Variants in CPQ observed in about 807,000 individuals in gnomAD.
CPQ encodes Ser-Met dipeptidase.
A neutral mutation model predicts 45.7 loss-of-function variants in CPQ; 37 were observed. The observed-to-expected ratio is 0.81, with a 90% CI of 0.62 to 1.07. The LOEUF is 1.07. Among genes scored for constraint, CPQ ranks in the 50% least tolerant of loss-of-function variants. The pLI, the probability that CPQ is intolerant of heterozygous loss-of-function variation, is 0.00. For missense variants in CPQ, 537 were observed against 572.9 expected (o/e 0.94, Z 0.64); for synonymous variants, 186 against 205.8 (o/e 0.90, Z 0.82).
intron 3 of CPQ, among the ~76,000 whole-genome samples, chr8:96,854,564 G>T (rs1811820498): frequency 1.8e-5 from 2 of 111,450 alleles, no homozygotes; most frequent in Admixed American, 1.9e-4. Flanking sequence ...AAAAAATGTG[G>T]TGGAACTAAA....
chr8:96,926,272 GC>G (rs1432181758), intron 4 of CPQ, among the ~76,000 whole-genome samples: 3 of 152,102 alleles, frequency 2.0e-5, no homozygotes, highest in Non-Finnish European at 4.4e-5. Flanking sequence ...GTGCAGCCTT[GC>G]CCATCTTTGG....
chr8:97,077,180 C>T lies in CPQ; in HGVS notation c.1255+10970C>T, dbSNP rs773086371. 4.6e-5 allele frequency among the ~76,000 whole-genome samples: 7 copies of T among 152,130 alleles called. No individual in the cohort carries two copies. In the South Asian group the frequency reaches 8.3e-4, roughly 18 times the overall value. On this transcript the variant is annotated intron_variant, in intron 7 of 7. Transcript: ENST00000220763. ...AATTCAACTTTTTCTTGTAAAGTCA[C>T]GACTTTTCCCTGCTTCTTGGGAGCA...
At chr8:97,133,459 T>G (rs1811995364) in intron 7 of CPQ, 1 of 152,112 alleles carries the variant, frequency 6.6e-6, no homozygotes, top group South Asian at 2.1e-4. Context: ...TCTTTTAGAG[T>G]TTGTTAGGTG....
At chr8:96,929,074 A>C (rs1812934627) in intron 4 of CPQ, among the ~76,000 whole-genome samples, 2 of 152,210 alleles carry the variant, frequency 1.3e-5, no homozygotes, top group South Asian at 4.1e-4. Flanking sequence ...AACTGTTAAC[A>C]AGCATTTATA....
intron 1 of CPQ, among the ~76,000 whole-genome samples, chr8:96,765,879 AC>A (rs1810461905): frequency 1.3e-5 from 2 of 152,202 alleles, no homozygotes; most frequent in South Asian, 4.1e-4. Flanking sequence ...CCTTCAATGA[AC>A]CTTTGGTCTA....
chr8:96,697,631 G>T (rs1487983254), intron 1 of CPQ, among the ~76,000 whole-genome samples: 2 of 152,014 alleles, frequency 1.3e-5, no homozygotes, highest in African/African-American at 2.4e-5. Context: ...CACCAAAAAA[G>T]TATGAGAACT....
At chr8:96,736,971 A>G (rs1054012098) in intron 1 of CPQ, among the ~76,000 whole-genome samples, 1 of 151,870 alleles carries the variant, frequency 6.6e-6, no homozygotes, top group Non-Finnish European at 1.5e-5. Context: ...TTTTTGATTC[A>G]TAATATTATT....
At position 97,116,707 on chromosome 8, in the gene CPQ, G is replaced by C. The variant is rs150799680; in HGVS notation, c.1256-26313G>C. On this transcript the variant is annotated intron_variant, in intron 7 of 7. Transcript: ENST00000220763. Reference sequence around the variant, plus strand: ...AACATTAACTCCATCTACAACAAAGGAACATGTAGAGATTTGGATTCTAAT... The same window carrying C: ...AACATTAACTCCATCTACAACAAAGCAACATGTAGAGATTTGGATTCTAAT... Among the ~76,000 whole-genome samples, 758 of 152,276 alleles carry C rather than the reference G, an allele frequency of 5.0e-3. 13 individuals are homozygous for C. The highest frequency in any genetic ancestry group is 0.016 in the African/African-American group (661 of 41,554).
chr8:96,816,456 C>G (rs1811229939), intron 2 of CPQ, among the ~76,000 whole-genome samples: 2 of 152,120 alleles, frequency 1.3e-5, no homozygotes. Context: ...CAAAGTCATC[C>G]ATGAGGGTTG....
intron 4 of CPQ, among the ~76,000 whole-genome samples, chr8:96,917,912 A>G (rs1812753484): frequency 6.6e-6 from 1 of 152,066 alleles, no homozygotes; most frequent in African/African-American, 2.4e-5. Flanking sequence ...AGAATTGTTA[A>G]CTCATACTCC....
chr8:96,969,513 G>C (rs988115289), intron 5 of CPQ, among the ~76,000 whole-genome samples: 8 of 152,190 alleles, frequency 5.3e-5, no homozygotes, highest in Non-Finnish European at 8.8e-5. Flanking sequence ...ACATGGCTTG[G>C]CTGGGTCAGA....
intron 4 of CPQ, among the ~76,000 whole-genome samples, chr8:96,924,612 C>G (rs937870063): frequency 6.6e-6 from 1 of 152,170 alleles, no homozygotes; most frequent in Non-Finnish European, 1.5e-5. Context: ...CACCCATTCA[C>G]TCCCTAATTA....
intron 6 of CPQ, among the ~76,000 whole-genome samples, chr8:97,039,553 C>T (rs1219414837): frequency 4.0e-5 from 6 of 150,794 alleles, no homozygotes; most frequent in African/African-American, 1.5e-4. Flanking sequence ...TACATATGTA[C>T]ACATGTGCCA....
intron 7 of CPQ, among the ~76,000 whole-genome samples, chr8:97,112,846 C>G (rs1355973438): frequency 1.3e-5 from 2 of 152,200 alleles, no homozygotes; most frequent in Non-Finnish European, 2.9e-5. Flanking sequence ...GGATGGGGCT[C>G]TGGTTTCAGG....
intron 4 of CPQ, among the ~76,000 whole-genome samples, chr8:96,956,365 G>A (rs894246569): frequency 6.6e-6 from 1 of 152,060 alleles, no homozygotes; most frequent in Admixed American, 6.6e-5. Flanking sequence ...GGAATTAGAA[G>A]AAATCATTTT....
intron 6 of CPQ, among the ~76,000 whole-genome samples, chr8:97,036,201 TG>T (rs1219585575): frequency 1.3e-5 from 2 of 151,826 alleles, no homozygotes; most frequent in Non-Finnish European, 2.9e-5. Context: ...CAAGAACACA[TG>T]GGGGCTGTTG....
At chr8:97,097,663 G>A (rs922439298) in intron 7 of CPQ, among the ~76,000 whole-genome samples, 18 of 152,166 alleles carry the variant, frequency 1.2e-4, no homozygotes, top group African/African-American at 4.3e-4. Context: ...GGAACAGTTT[G>A]TGGGAGGGGT....
intron 7 of CPQ, among the ~76,000 whole-genome samples, chr8:97,140,033 A>T (rs1331635040): frequency 6.6e-6 from 1 of 151,776 alleles, no homozygotes; most frequent in Non-Finnish European, 1.5e-5. Context: ...CAGAGAAGAC[A>T]CTGATAATCA....
intron 2 of CPQ, among the ~76,000 whole-genome samples, chr8:96,821,360 G>T (rs367605517): frequency 6.6e-6 from 1 of 151,604 alleles, no homozygotes; most frequent in East Asian, 1.9e-4. Context: ...AAAAATATTT[G>T]CCCAGACCAA....
Sources: gnomAD v4.1 joint callset for allele counts (sites outside exome capture counted in the v4.1 genomes callset) on GRCh38, gnomAD v4.1.1 for gene constraint, MANE v1.5 for transcripts, NCBI Gene and HGNC (gene_info 2026-07-23, HGNC 2026-07-21) for gene names.